The following PRKAG2 variants were observed in gnomAD, a reference collection of about 807,000 sequenced individuals.
The protein encoded by PRKAG2 is protein kinase AMP-activated non-catalytic subunit gamma 2.
A neutral mutation model predicts 69.6 loss-of-function variants in PRKAG2; 26 were observed. The observed-to-expected ratio is 0.37, with a 90% CI of 0.27 to 0.52. The LOEUF (loss-of-function observed/expected upper bound fraction) is 0.52. PRKAG2 is among the 20% of genes least tolerant of loss of function. PRKAG2 has a pLI of 0.90. For synonymous variants in PRKAG2, 293 were observed against 285.0 expected (o/e 1.03, Z -0.28); for missense variants, 557 against 740.0 (o/e 0.75, Z 2.87).
chr7:151,708,601 A>G (rs1461658044), intron 3 of PRKAG2, among the ~76,000 whole-genome samples: 2 of 152,060 alleles, frequency 1.3e-5, no homozygotes, highest in African/African-American at 2.4e-5. Context: ...GCATGCCTGT[A>G]GGGTCCTGGC....
At chr7:151,721,232 C>T (rs1448183163) in intron 3 of PRKAG2, among the ~76,000 whole-genome samples, 2 of 152,080 alleles carry the variant, frequency 1.3e-5, no homozygotes, top group African/African-American at 4.8e-5. Context: ...AGCCACCCAT[C>T]CTGCATCCTG....
chr7:151,759,461 C>T (rs1017311971), intron 3 of PRKAG2, among the ~76,000 whole-genome samples: 3 of 152,182 alleles, frequency 2.0e-5, no homozygotes, highest in African/African-American at 7.2e-5. Context: ...TTCACTGCTG[C>T]GTTCCCAAGG....
chr7:151,689,836 G>A (rs1406667021), intron 3 of PRKAG2, among the ~76,000 whole-genome samples: 3 of 152,130 alleles, frequency 2.0e-5, no homozygotes, highest in Non-Finnish European at 4.4e-5. Flanking sequence ...CCAGACTGCC[G>A]CCTCTGCCCC....
At chr7:151,570,615 G>A (rs1396353341) in intron 9 of PRKAG2, among the ~76,000 whole-genome samples, 1 of 152,128 alleles carries the variant, frequency 6.6e-6, no homozygotes, top group African/African-American at 2.4e-5. Flanking sequence ...TAAGTTATAA[G>A]ATAAAATCAG....
chr7:151,664,924 C>T (rs1252430184), intron 4 of PRKAG2, among the ~76,000 whole-genome samples: 1 of 152,194 alleles, frequency 6.6e-6, no homozygotes, highest in African/African-American at 2.4e-5. Context: ...CTTGAGAACT[C>T]TATCAACCAA....
chr7:151,827,003 ATGGAAGGC>A (rs2078916711), intron 1 of PRKAG2, among the ~76,000 whole-genome samples: 1 of 152,196 alleles, frequency 6.6e-6, no homozygotes, highest in South Asian at 2.1e-4. Flanking sequence ...AAAATTTAAC[ATGGAAGGC>A]TGGAACCAGA....
intron 3 of PRKAG2, among the ~76,000 whole-genome samples, chr7:151,687,947 A>C (rs945433325): frequency 4.1e-5 from 6 of 148,038 alleles, no homozygotes; most frequent in Non-Finnish European, 9.0e-5. Flanking sequence ...CCAGCTGCCA[A>C]GGGTGTATAG....
rs1231794342 is a variant in PRKAG2, at chr7:151,614,158, T to C, written c.754+17911A>G. Among the ~76,000 whole-genome samples, 1 of 152,010 alleles carries C rather than the reference T, an allele frequency of 6.6e-6. No individual in the cohort carries two copies. Among genetic ancestry groups the C allele is most frequent in the Non-Finnish European group, 1.5e-5 (1 of 67,982 alleles). The stretch of plus-strand genomic sequence containing the variant: ...CTATGCTGAGCGCCCCAGCCAGCAC[T>C]CCAACACGGCCTGTCAGGGGAGGTG... On this transcript the variant is annotated intron_variant, in intron 5 of 15. Coordinates refer to ENST00000287878, the MANE Select transcript of PRKAG2 (RefSeq NM_016203.4). The surrounding 1 kb of genome is among the most constrained non-coding windows in gnomAD (Gnocchi z 4.4).
chr7:151,626,151 G>A (rs1001753132), intron 5 of PRKAG2, among the ~76,000 whole-genome samples: 2 of 152,194 alleles, frequency 1.3e-5, no homozygotes, highest in Non-Finnish European at 2.9e-5. Flanking sequence ...CTTTCCAGCT[G>A]GTTCCAGTTA....
intron 6 of PRKAG2, among the ~76,000 whole-genome samples, chr7:151,591,173 T>A (rs1163074001): frequency 6.6e-6 from 1 of 152,130 alleles, no homozygotes; most frequent in African/African-American, 2.4e-5. Flanking sequence ...CTGTTCCCAA[T>A]GTAGTATCTT....
At position 151,839,387 on chromosome 7, in the gene PRKAG2, G is replaced by A. The variant is rs147359147; in HGVS notation, c.114+37120C>T. On this transcript the variant is annotated intron_variant, in intron 1 of 15. Transcript: ENST00000287878. ...TCAGAAGCGGTCCGCAGCCCCTGCC[G>A]TCCAGCCCTAACCCTGACCTCTTTA... Among the ~76,000 whole-genome samples, 174 of 152,262 alleles carry A rather than the reference G, an allele frequency of 1.1e-3. 1 individual carries two copies. The highest frequency in any genetic ancestry group is 3.9e-3 in the African/African-American group (164 of 41,558).
intron 12 of PRKAG2, 21 bp from the exon 13 acceptor site, chr7:151,565,404 T>A (rs771644041): frequency 7.5e-7 from 1 of 1,331,004 alleles, no homozygotes; most frequent in Non-Finnish European, 1.0e-6. Context: ...AAAATATATG[T>A]TAGAAAAATG....
At chr7:151,577,514 T>C (rs542411410) in intron 6 of PRKAG2, among the ~76,000 whole-genome samples, 1 of 152,348 alleles carries the variant, frequency 6.6e-6, no homozygotes, top group African/African-American at 2.4e-5. Context: ...TTGCAGCTCC[T>C]AATACAAGGG....
intron 8 of PRKAG2, among the ~76,000 whole-genome samples, chr7:151,573,780 G>A (rs1302545525): frequency 6.6e-6 from 1 of 152,044 alleles, no homozygotes; most frequent in African/African-American, 2.4e-5. Context: ...TAAGAGTATG[G>A]TTGTGTTTGT....
rs554153106 is a variant in PRKAG2, at chr7:151,557,591, C to T, written c.1679-359G>A. The T allele has an allele frequency of 1.6e-4, 155 of 984,912 alleles. No homozygotes were observed. In the African/African-American group the frequency reaches 2.1e-3, roughly 13 times the overall value. The allele number at this position is 984,912 out of a possible 1,614,324, so 61.0% of individuals were successfully genotyped here. A position where few individuals can be genotyped will look rare whatever the true frequency, so the allele number is the denominator to read the frequency against. ...ATATGTATTAAAAAAAGGTTTAGGC[C>T]GGGCGCGGTGGCTCACATCTGTAAT... On this transcript the variant is annotated intron_variant, in intron 15 of 15. Coordinates refer to ENST00000287878, the MANE Select transcript of PRKAG2 (RefSeq NM_016203.4).
At chr7:151,680,929 C>CA (rs1374922328) in intron 3 of PRKAG2, among the ~76,000 whole-genome samples, 4 of 152,222 alleles carry the variant, frequency 2.6e-5, no homozygotes, top group Non-Finnish European at 5.9e-5. Flanking sequence ...GAAGCTTAGT[C>CA]ACTGTTGTGC....
At chr7:151,657,238 T>C (rs1829569807) in intron 4 of PRKAG2, among the ~76,000 whole-genome samples, 1 of 152,160 alleles carries the variant, frequency 6.6e-6, no homozygotes, top group Admixed American at 6.5e-5. Context: ...ATAGTGTATA[T>C]AAAATGAAGA....
rs998511488 is a variant in PRKAG2 at position 151,576,402 on chromosome 7, T to C, written c.915A>G (p.Pro305=). The C allele has an allele frequency of 1.2e-6, 2 of 1,611,668 alleles. No homozygotes were observed. Among genetic ancestry groups the C allele is most frequent in the East Asian group, 2.2e-5 (1 of 44,886 alleles). ...ALVANGVRAA[P]LWESKKQSFV... Reference sequence around the variant, plus strand: ...AACTTTGTTTTTTACTCTCCCACAGTGGCGCTGCTCGGACACCGTTGGCTA... The same window carrying C: ...AACTTTGTTTTTTACTCTCCCACAGCGGCGCTGCTCGGACACCGTTGGCTA... The change falls in exon 7 of 16, where the codon CCA becomes CCG. Residue 305 remains proline, a synonymous_variant. Transcript: ENST00000287878.
intron 2 of PRKAG2, among the ~76,000 whole-genome samples, chr7:151,783,949 C>T (rs975998264): frequency 8.6e-5 from 12 of 138,920 alleles, no homozygotes; most frequent in Admixed American, 2.2e-4. Context: ...AGAGGTTCTT[C>T]TTCAAGTGGT....
Sources: gnomAD v4.1 joint callset for allele counts (sites outside exome capture counted in the v4.1 genomes callset) on GRCh38, gnomAD v4.1.1 for gene constraint, Gnocchi (gnomAD v3.1) non-coding constraint, MANE v1.5 for transcripts, NCBI Gene and HGNC (gene_info 2026-07-23, HGNC 2026-07-21) for gene names.